The following TMEM123 variants were observed in gnomAD, a reference collection of about 807,000 sequenced individuals.
TMEM123 encodes transmembrane protein 123, also known as porimin.
TMEM123 carries 16 observed loss-of-function variants against 19.7 expected under a neutral mutation model. The ratio of observed to expected loss-of-function variants is 0.81; its 90% confidence interval spans 0.55 to 1.23. The LOEUF is 1.23. TMEM123 is among the 50% of genes most tolerant of loss of function. TMEM123 has a pLI of 0.00. For synonymous variants in TMEM123, 118 were observed against 99.4 expected (o/e 1.19, Z -1.12); for missense variants, 313 against 257.8 (o/e 1.21, Z -1.47).
chr11:102,402,356 A>T, intron 2 of TMEM123, 150 bp from the exon 3 acceptor site: 1 of 715,850 alleles, frequency 1.4e-6, no homozygotes, highest in Non-Finnish European at 2.2e-6. Context: ...ACTTTGCACT[A>T]TACTGCAATA....
intron 2 of TMEM123, among the ~76,000 whole-genome samples, chr11:102,441,920 C>T (rs1305369935): frequency 6.6e-6 from 1 of 152,156 alleles, no homozygotes; most frequent in East Asian, 1.9e-4. Flanking sequence ...ATACTATAAA[C>T]ACCTCTACGC....
chr11:102,432,557 T>C (rs1306149457), intron 2 of TMEM123, among the ~76,000 whole-genome samples: 1 of 152,022 alleles, frequency 6.6e-6, no homozygotes, highest in Non-Finnish European at 1.5e-5. Context: ...GTTTGGAAAA[T>C]ATGTAGCCTG....
rs902498182 is a variant in TMEM123, at chr11:102,434,563, C to CTTTT, written c.157+14245_157+14248dup. Among the ~76,000 whole-genome samples the CTTTT allele has an allele frequency of 4.0e-5, 6 of 151,716 alleles. 1 individual carries two copies. Among genetic ancestry groups the CTTTT allele is most frequent in the African/African-American group, 1.5e-4 (6 of 41,372 alleles). On this transcript the variant is annotated intron_variant, in intron 2 of 4. Coordinates refer to ENST00000398136, the MANE Select transcript of TMEM123 (RefSeq NM_052932.3). ...TGATGTCTCTTCATTCTGTTGTTTC[C>CTTTT]TTTTTATGCAGAAGCTTTTCAGTTT...
chr11:102,405,980 G>A (rs995627379), intron 2 of TMEM123, among the ~76,000 whole-genome samples: 1 of 152,220 alleles, frequency 6.6e-6, no homozygotes. Context: ...ATCTTCTTCT[G>A]TAATAAGTAA....
intron 2 of TMEM123, among the ~76,000 whole-genome samples, chr11:102,445,413 T>A (rs1857874764): frequency 6.6e-6 from 1 of 152,236 alleles, no homozygotes; most frequent in African/African-American, 2.4e-5. Context: ...CAATCAATCA[T>A]TCATCTGTAT....
chr11:102,398,789 G>T lies in TMEM123; in HGVS notation c.*78C>A. 1.4e-6 allele frequency: 2 copies of T among 1,423,178 alleles called. No individual in the cohort carries two copies. Among genetic ancestry groups the T allele is most frequent in the Non-Finnish European group, 2.0e-6 (2 of 1,018,312 alleles). The allele number at this position is 1,423,178 out of a possible 1,614,324, so 88.2% of individuals were successfully genotyped here. On this transcript the variant is annotated 3_prime_UTR_variant, in exon 5 of 5. Transcript: ENST00000398136. ...ATACTATTTTCAAAAAGAGAATATT[G>T]TTTTAAACTATTAATAAACCAAAAT...
Position 102,401,671 on chromosome 11 carries a change from T to C in TMEM123, c.470A>G (p.Glu157Gly). 6.2e-7 allele frequency: 1 copy of C among 1,602,136 alleles called. No homozygotes were observed. The change falls in exon 4 of 5, where the codon GAA (glutamate) becomes GGA (glycine). Residue 157 changes from glutamate to glycine, a missense_variant. Glu to Gly is a moderately conservative substitution (Grantham distance 98). Transcript: ENST00000398136. ...ATCAAATTTTGATCCTTTCTTTGCT[T>C]CAGAATGCATAGTTGTTGTGACTAG... ...SVTITTTMHS[E>G]AKKGSKFDTG...
chr11:102,449,179 A>G (rs1481112206), intron 1 of TMEM123: 2 of 289,054 alleles, frequency 6.9e-6, no homozygotes, highest in African/African-American at 4.3e-5. Flanking sequence ...TTGGGGACAG[A>G]TGGGCCAATT....
chr11:102,428,876 A>G (rs1276895004), intron 2 of TMEM123, among the ~76,000 whole-genome samples: 1 of 152,190 alleles, frequency 6.6e-6, no homozygotes, highest in Non-Finnish European at 1.5e-5. Context: ...GGCCAGGGAA[A>G]ATCATTACCA....
rs1374447796 is a variant in TMEM123 at position 102,398,903 on chromosome 11, T to C, written c.603-12A>G. The C allele has an allele frequency of 8.1e-6, 13 of 1,605,830 alleles. No individual in the cohort carries two copies. Among genetic ancestry groups the C allele is most frequent in the Non-Finnish European group, 1.0e-5 (12 of 1,177,042 alleles). ...CATCATGTTCATCTCTGTAATATAT[T>C]AAAAGTTACAATTACTTTGTTTTGT... On this transcript the variant is annotated splice_polypyrimidine_tract_variant and intron_variant, in intron 4 of 4. Coordinates refer to ENST00000398136, the MANE Select transcript of TMEM123 (RefSeq NM_052932.3).
At position 102,398,672 on chromosome 11, in the gene TMEM123, C is replaced by T. The variant is rs1313914786; in HGVS notation, c.*195G>A. The stretch of plus-strand genomic sequence containing the variant: ...ATTGTATGAACGGTCTATAAGGATC[C>T]AGATGTTTATTTCAAAACCCAAACC... On this transcript the variant is annotated 3_prime_UTR_variant, in exon 5 of 5. Coordinates refer to ENST00000398136, the MANE Select transcript of TMEM123 (RefSeq NM_052932.3). 1.7e-6 allele frequency: 1 copy of T among 587,680 alleles called. No homozygotes were observed. The highest frequency in any genetic ancestry group is 3.1e-5 in the East Asian group (1 of 31,928). 36.4% of individuals were successfully genotyped at this position (587,680 alleles called of 1,614,324 possible).
At chr11:102,432,471 G>C (rs183069921) in intron 2 of TMEM123, among the ~76,000 whole-genome samples, 3 of 152,188 alleles carry the variant, frequency 2.0e-5, no homozygotes, top group African/African-American at 7.2e-5. Context: ...ACTAGAACTC[G>C]AGAGACACGA....
chr11:102,441,993 T>C (rs1192259978), intron 2 of TMEM123, among the ~76,000 whole-genome samples: 1 of 152,160 alleles, frequency 6.6e-6, no homozygotes, highest in Non-Finnish European at 1.5e-5. Context: ...CTCCCAAGAC[T>C]AAACCAGGAA....
intron 2 of TMEM123, among the ~76,000 whole-genome samples, chr11:102,417,797 C>T (rs1403011131): frequency 1.3e-5 from 2 of 151,404 alleles, no homozygotes; most frequent in South Asian, 2.1e-4. Context: ...AACTGATACA[C>T]GGAACAATGG....
At chr11:102,421,595 T>C (rs1324228043) in intron 2 of TMEM123, among the ~76,000 whole-genome samples, 1 of 152,174 alleles carries the variant, frequency 6.6e-6, no homozygotes, top group Non-Finnish European at 1.5e-5. Flanking sequence ...TTTAGTATAC[T>C]AGTAAATAAT....
Position 102,412,993 on chromosome 11 carries a change from ATTAAT to A in TMEM123, c.158-10792_158-10788del, listed in dbSNP as rs1012356101. 2.0e-4 allele frequency among the ~76,000 whole-genome samples: 30 copies of A among 152,330 alleles called. No individual in the cohort carries two copies. The East Asian group carries it at 4.2e-3, about 22-fold the overall frequency. ...TCTCAATTATTGATAAAGTAAAAAA[ATTAAT>A]TTAAAAATATTTTGATAAGGAACCT... On this transcript the variant is annotated intron_variant, in intron 2 of 4. Coordinates refer to ENST00000398136, the MANE Select transcript of TMEM123 (RefSeq NM_052932.3).
intron 2 of TMEM123, among the ~76,000 whole-genome samples, chr11:102,412,929 A>G (rs1036250216): frequency 6.6e-6 from 1 of 152,196 alleles, no homozygotes; most frequent in African/African-American, 2.4e-5. Flanking sequence ...AAATCTTCAC[A>G]CGCTAATTCC....
chr11:102,407,106 A>G (rs1336618697), intron 2 of TMEM123, among the ~76,000 whole-genome samples: 2 of 152,152 alleles, frequency 1.3e-5, no homozygotes, highest in African/African-American at 2.4e-5. Context: ...TCAACCAAAC[A>G]GCTTTTGTCC....
chr11:102,452,506 A>C lies in TMEM123; in HGVS notation c.100+18T>G, dbSNP rs1027087966. ...CTGCCTCCCACGAACGGGGCTGACG[A>C]CCCCCGCAGCCACTTACCCGCCATG... On this transcript the variant is annotated intron_variant, in intron 1 of 4. Transcript: ENST00000398136. The C allele has an allele frequency of 1.3e-6, 2 of 1,492,296 alleles. No individual in the cohort carries two copies. The highest frequency in any genetic ancestry group is 1.8e-6 in the Non-Finnish European group (2 of 1,118,376). 92.4% of individuals were successfully genotyped at this position (1,492,296 alleles called of 1,614,324 possible). A position where few individuals can be genotyped will look rare whatever the true frequency, so the allele number is the denominator to read the frequency against.
Sources: allele counts gnomAD v4.1 joint callset (sites outside exome capture counted in the v4.1 genomes callset), GRCh38; gene constraint gnomAD v4.1.1; transcripts MANE v1.5; gene names NCBI Gene and HGNC (gene_info 2026-07-23, HGNC 2026-07-21).